The following DYSF variants were observed in gnomAD, a reference collection of about 807,000 sequenced individuals.
DYSF encodes dystrophy-associated fer-1-like 1.
In DYSF, 212 loss-of-function variants were observed where a neutral mutation model predicts 274.9. The observed-to-expected ratio is 0.77, with a 90% CI of 0.69 to 0.86. The LOEUF (loss-of-function observed/expected upper bound fraction) is 0.86, where lower values mean the gene tolerates loss of function less well. Ranked by LOEUF, DYSF falls within the 40% of genes least tolerant of loss-of-function variation. The probability of loss-of-function intolerance (pLI) is 0.00; values close to 1 mark genes in which losing one functional copy is unlikely to be tolerated. For synonymous variants in DYSF, 1,091 were observed against 1,078.7 expected (o/e 1.01, Z -0.22); for missense variants, 2,666 against 2,783.2 (o/e 0.96, Z 0.95).
chr2:71,571,572 CCACACACAGATCACACCCAG>C lies in DYSF; in HGVS notation c.3228+841_3228+860del, dbSNP rs1559190722. On this transcript the variant is annotated intron_variant, in intron 29 of 55. Coordinates refer to ENST00000410020, the MANE Select transcript of DYSF (RefSeq NM_001130987.2). ...CCAGCACACGCACAGATCACACCCA[CCACACACAGATCACACCCAG>C]CACACACAGCTCACACCCAGCACAC... Among the ~76,000 whole-genome samples, 17 of 113,966 alleles carry C rather than the reference CCACACACAGATCACACCCAG, an allele frequency of 1.5e-4. 1 individual carries two copies. Among genetic ancestry groups the C allele is most frequent in the African/African-American group, 5.3e-4 (15 of 28,094 alleles). The allele number at this position is 113,966 out of a possible 152,430, so 74.8% of individuals were successfully genotyped here.
Position 71,553,118 on chromosome 2 carries a change from C to T in DYSF, c.1914C>T (p.Tyr638=), listed in dbSNP as rs35721373. Residue 638 remains tyrosine, a synonymous_variant, in exon 20 of 56, where the codon TAC becomes TAT. Transcript: ENST00000410020. ...AIQFEVSIGN[Y]GNKFDMTCLP... ...AGTTTGAGGTCAGCATCGGGAACTA[C>T]GGGAACAAGTTCGACATGACCTGCC... The T allele has an allele frequency of 0.03, 48,953 of 1,614,130 alleles. 913 individuals are homozygous for T. The highest frequency in any genetic ancestry group is 0.062 in the Middle Eastern group (373 of 6,062).
chr2:71,553,369 G>A (rs2091099801), intron 20 of DYSF, among the ~76,000 whole-genome samples, 181 bp downstream of exon 20: 1 of 152,158 alleles, frequency 6.6e-6, no homozygotes, highest in African/African-American at 2.4e-5. Context: ...TGCTACTAGT[G>A]CCCACAGATG....
rs201128463 is a variant in DYSF at position 71,516,153 on chromosome 2, A to G, written c.889-27A>G. On this transcript the variant is annotated intron_variant, in intron 8 of 55. Transcript: ENST00000410020. ...GCCTGAGGGATCAGCAGGCACTGAT[A>G]TGTCTCTCTTTGCTCTGAACCAACA... is the stretch of plus-strand genomic sequence containing the variant. 1.9e-3 allele frequency: 3,130 copies of G among 1,613,178 alleles called. 25 individuals carry two copies. Among genetic ancestry groups the G allele is most frequent in the South Asian group, 0.017 (1,525 of 91,052 alleles).
intron 20 of DYSF, among the ~76,000 whole-genome samples, 182 bp from the exon 21 acceptor site, chr2:71,553,625 G>A (rs1186215681): frequency 1.3e-5 from 2 of 152,172 alleles, no homozygotes; most frequent in South Asian, 2.1e-4. Flanking sequence ...GCCACTCCAC[G>A]TGTCCAAGGG....
intron 33 of DYSF, among the ~76,000 whole-genome samples, chr2:71,600,062 A>G (rs2093511042): frequency 6.6e-6 from 1 of 152,122 alleles, no homozygotes; most frequent in Non-Finnish European, 1.5e-5. Flanking sequence ...GGCAGGACTG[A>G]GTGCAAGTGC....
chr2:71,481,045 G>A lies in DYSF; in HGVS notation c.147+107G>A. ...GGTGCCTTCTCAGCAGTGTCCTTGAGGTGGGGAGGGGCTGGTGGTCCAGCC... is the reference window on the plus strand; with the variant it reads ...GGTGCCTTCTCAGCAGTGTCCTTGAAGTGGGGAGGGGCTGGTGGTCCAGCC... On this transcript the variant is annotated intron_variant, in intron 2 of 55. Coordinates refer to ENST00000410020, the MANE Select transcript of DYSF (RefSeq NM_001130987.2). The A allele has an allele frequency of 1.3e-5, 14 of 1,112,964 alleles. No homozygotes were observed. In the South Asian group the frequency reaches 1.7e-4, roughly 13 times the overall value. The allele number at this position is 1,112,964 out of a possible 1,614,324, so 68.9% of individuals were successfully genotyped here. A position where few individuals can be genotyped will look rare whatever the true frequency, so the allele number is the denominator to read the frequency against.
In DYSF at chr2:71,649,549, G is replaced by C. The variant is rs1470660966; in HGVS notation, c.4626+5486G>C. 5.9e-5 allele frequency among the ~76,000 whole-genome samples: 9 copies of C among 152,182 alleles called. No individual in the cohort carries two copies. In the East Asian group the frequency reaches 1.7e-3, roughly 29 times the overall value. ...CATAAATACTATGCCTAAAGACATA[G>C]AGGACTAAGTATTATCAGAATATAT... is the stretch of plus-strand genomic sequence containing the variant. On this transcript the variant is annotated intron_variant, in intron 42 of 55. Transcript: ENST00000410020.
chr2:71,480,165 T>C (rs1573393214), intron 1 of DYSF, among the ~76,000 whole-genome samples: 3 of 152,198 alleles, frequency 2.0e-5, no homozygotes, highest in Admixed American at 6.5e-5. Context: ...TTCTTATAGA[T>C]GGAATCATAT....
intron 12 of DYSF, among the ~76,000 whole-genome samples, chr2:71,522,027 T>C (rs141443579): frequency 1.8e-4 from 27 of 151,758 alleles, no homozygotes; most frequent in African/African-American, 6.5e-4. Context: ...CCCGCTGCAT[T>C]ATCCCACCAC....
chr2:71,559,752 GC>G (rs2091598218), intron 22 of DYSF, among the ~76,000 whole-genome samples: 1 of 152,224 alleles, frequency 6.6e-6, no homozygotes, highest in South Asian at 2.1e-4. Context: ...TCCAGGAAGG[GC>G]TCCTGACTCT....
chr2:71,626,269 G>A (rs2094204647), intron 41 of DYSF, among the ~76,000 whole-genome samples: 1 of 151,184 alleles, frequency 6.6e-6, no homozygotes, highest in Admixed American at 6.6e-5. Flanking sequence ...AAATTTATCA[G>A]GTGAACCTAG....
intron 43 of DYSF, among the ~76,000 whole-genome samples, chr2:71,657,686 T>C (rs2094799501): frequency 6.6e-6 from 1 of 152,218 alleles, no homozygotes; most frequent in African/African-American, 2.4e-5. Context: ...CTGCCAAGGC[T>C]TGGGGATTCC....
intron 13 of DYSF, 75 bp downstream of exon 13, chr2:71,526,421 C>CGGGGGGGGGGGGGGGGGGGGGGTGGGG: frequency 3.7e-6 from 1 of 272,072 alleles, no homozygotes; most frequent in East Asian, 9.7e-5. Flanking sequence ...TGGGCGATGG[C>CGGGGGGGGGGGGGGGGGGGGGGTGGGG]GGGCGGGGTC....
In DYSF at chr2:71,523,801, T is replaced by C. The variant is rs144408107; in HGVS notation, c.1150-2419T>C. On this transcript the variant is annotated intron_variant, in intron 12 of 55. Transcript: ENST00000410020. ...ACCTTGTGATCCACTCGCCTCGGCC[T>C]CCCAAAGTGCTGAAATTACAGGCGT... 1.9e-3 allele frequency among the ~76,000 whole-genome samples: 295 copies of C among 152,216 alleles called. 2 individuals are homozygous for C. Among genetic ancestry groups the C allele is most frequent in the African/African-American group, 6.7e-3 (277 of 41,532 alleles).
At chr2:71,472,597 G>A (rs770797270) in intron 1 of DYSF, among the ~76,000 whole-genome samples, 5 of 152,060 alleles carry the variant, frequency 3.3e-5, no homozygotes, top group African/African-American at 9.7e-5. Flanking sequence ...TAGTAGAGAC[G>A]GGGTTTCACC....
At chr2:71,556,208 G>A in intron 22 of DYSF, 137 bp downstream of exon 22, 1 of 728,860 alleles carries the variant, frequency 1.4e-6, no homozygotes, top group Non-Finnish European at 2.4e-6. Context: ...CCCGTGCTGA[G>A]TCCAAAGGTG....
At chr2:71,572,117 TACCCAGCACAGATCAC>T (rs2092518568) in intron 29 of DYSF, among the ~76,000 whole-genome samples, 1 of 72,060 alleles carries the variant, frequency 1.4e-5, no homozygotes. Flanking sequence ...CCACAGATCA[TACCCAGCACAGATCAC>T]ACCCAGCACA....
chr2:71,484,081 C>T (rs1205856195), intron 3 of DYSF, among the ~76,000 whole-genome samples: 5 of 100,982 alleles, frequency 5.0e-5, no homozygotes, highest in African/African-American at 1.9e-4. Flanking sequence ...GAGACGAAGT[C>T]TTGCTCTGTG....
chr2:71,560,845 T>G (rs2091700607), intron 22 of DYSF, among the ~76,000 whole-genome samples: 1 of 151,206 alleles, frequency 6.6e-6, no homozygotes, highest in Non-Finnish European at 1.5e-5. Context: ...ATGTCCTGTT[T>G]GGGAGTCAAG....
Sources: allele counts gnomAD v4.1 joint callset (sites outside exome capture counted in the v4.1 genomes callset), GRCh38; gene constraint gnomAD v4.1.1; transcripts MANE v1.5; gene names NCBI Gene and HGNC (gene_info 2026-07-23, HGNC 2026-07-21).